The following CTNNA2 variants were observed in gnomAD, a reference collection of about 807,000 sequenced individuals.
CTNNA2 encodes the protein catenin alpha 2, also known as catenin alpha-2.
In CTNNA2, 42 loss-of-function variants were observed where a neutral mutation model predicts 101.0. The ratio of observed to expected loss-of-function variants is 0.42; its 90% CI spans 0.32 to 0.54. The LOEUF (loss-of-function observed/expected upper bound fraction) is 0.54, where lower values mean the gene tolerates loss of function less well. CTNNA2 is among the 20% of genes least tolerant of loss of function. CTNNA2 has a pLI of 0.14. For synonymous variants in CTNNA2, 450 were observed against 456.4 expected (o/e 0.99, Z 0.18); for missense variants, 871 against 1,223.1 (o/e 0.71, Z 4.29).
intron 8 of CTNNA2, among the ~76,000 whole-genome samples, chr2:80,398,310 A>G (rs140584225): frequency 6.2e-4 from 94 of 152,266 alleles, no homozygotes; most frequent in African/African-American, 2.1e-3. Flanking sequence ...CTGGATTTGA[A>G]TCTGTTTTTC....
chr2:80,550,079 C>T (rs546769292), intron 11 of CTNNA2, among the ~76,000 whole-genome samples: 3 of 152,240 alleles, frequency 2.0e-5, no homozygotes, highest in African/African-American at 7.2e-5. Flanking sequence ...AAACCTCGAA[C>T]GTATTGCTGG....
intron 1 of CTNNA2, among the ~76,000 whole-genome samples, chr2:79,591,151 A>C (rs1286144613): frequency 2.0e-5 from 3 of 152,230 alleles, no homozygotes; most frequent in Non-Finnish European, 2.9e-5. Flanking sequence ...AATTACTATA[A>C]ATCTCTACTA....
chr2:79,553,936 C>G (rs115614397), intron 1 of CTNNA2, among the ~76,000 whole-genome samples: 2 of 152,262 alleles, frequency 1.3e-5, no homozygotes, highest in Non-Finnish European at 2.9e-5. Context: ...TACTTAGGAA[C>G]AAAATAGGAG....
intron 7 of CTNNA2, among the ~76,000 whole-genome samples, chr2:79,919,070 A>T (rs1311581042): frequency 6.6e-6 from 1 of 152,184 alleles, no homozygotes; most frequent in Non-Finnish European, 1.5e-5. Context: ...TGGGTGGGGC[A>T]GGCGGTTCTT....
In CTNNA2 at chr2:79,789,162, G is replaced by A. The variant is rs550046634; in HGVS notation, c.298+44580G>A. The stretch of plus-strand genomic sequence containing the variant: ...AGAAAAGGGTAACAGCTTTATTCTA[G>A]TCACGAGTCAAACCTGTGTGAGTCA... On this transcript the variant is annotated intron_variant, in intron 3 of 18. Coordinates refer to ENST00000402739, the MANE Select transcript of CTNNA2 (RefSeq NM_001282597.3). Among the ~76,000 whole-genome samples, 4 of 152,310 alleles carry A rather than the reference G, an allele frequency of 2.6e-5. No homozygotes were observed. The East Asian group carries it at 7.7e-4, about 29-fold the overall frequency.
intron 3 of CTNNA2, among the ~76,000 whole-genome samples, chr2:79,845,081 G>GTA (rs149787594): frequency 0.077 from 11,152 of 145,034 alleles, 458 homozygotes; most frequent in Non-Finnish European, 0.099. Flanking sequence ...ATATATATGT[G>GTA]TATATATATA....
At chr2:80,544,304 A>G (rs906842273) in intron 9 of CTNNA2, among the ~76,000 whole-genome samples, 9 of 148,406 alleles carry the variant, frequency 6.1e-5, no homozygotes, top group Admixed American at 2.0e-4. Context: ...AAGGAGGGGG[A>G]AAAAAAAAAC....
chr2:80,113,124 C>G (rs1462491580), intron 7 of CTNNA2, among the ~76,000 whole-genome samples: 1 of 151,992 alleles, frequency 6.6e-6, no homozygotes, highest in African/African-American at 2.4e-5. Context: ...CACATTTTAC[C>G]CAAGAGGAAA....
intron 4 of CTNNA2, among the ~76,000 whole-genome samples, chr2:79,381,255 A>T (rs536382997): frequency 7.7e-4 from 118 of 152,274 alleles, no homozygotes; most frequent in African/African-American, 2.7e-3. Flanking sequence ...AGTTGAAGAA[A>T]CTGAGATGCA....
intron 1 of CTNNA2, among the ~76,000 whole-genome samples, chr2:79,517,347 A>T (rs1671861718): frequency 6.6e-6 from 1 of 152,186 alleles, no homozygotes; most frequent in African/African-American, 2.4e-5. Context: ...TAATAGACAC[A>T]ATTCCATTGT....
rs144764645 is a variant in CTNNA2, at chr2:79,975,552, G to T, written c.1056+65755G>T. ...CATGAGGCTGTCCCTCACTTCAGAT[G>T]CCATAGCAAGCACAGGTTGTGGCCT... On this transcript the variant is annotated intron_variant, in intron 7 of 18. Coordinates refer to ENST00000402739, the MANE Select transcript of CTNNA2 (RefSeq NM_001282597.3). Among the ~76,000 whole-genome samples the T allele has an allele frequency of 1.6e-4, 24 of 152,230 alleles. No homozygotes were observed. In the East Asian group the frequency reaches 3.7e-3, roughly 23 times the overall value.
chr2:79,298,118 G>A (rs565477209), intron 2 of CTNNA2, among the ~76,000 whole-genome samples: 1 of 152,236 alleles, frequency 6.6e-6, no homozygotes, highest in South Asian at 2.1e-4. Context: ...CTTTTATTTG[G>A]CTCACAGTTC....
chr2:79,428,471 T>A (rs17017088), intron 4 of CTNNA2, among the ~76,000 whole-genome samples: 48,512 of 151,838 alleles, frequency 0.32, 7,876 homozygotes, highest in South Asian at 0.44. Flanking sequence ...CTTGACAGGA[T>A]GAAAAGGGCA....
chr2:80,253,013 G>A (rs149530), intron 7 of CTNNA2, among the ~76,000 whole-genome samples: 3 of 151,308 alleles, frequency 2.0e-5, no homozygotes, highest in African/African-American at 7.3e-5. Context: ...ATGTAGATCT[G>A]TTTTCCCCCT....
chr2:80,092,371 G>GA (rs1228683578), intron 7 of CTNNA2, among the ~76,000 whole-genome samples: 3 of 151,992 alleles, frequency 2.0e-5, no homozygotes, highest in Non-Finnish European at 2.9e-5. Flanking sequence ...AAATTCAGTA[G>GA]AAAAAAACAG....
chr2:79,861,948 G>T (rs1433384835), intron 4 of CTNNA2, among the ~76,000 whole-genome samples: 2 of 152,172 alleles, frequency 1.3e-5, no homozygotes, highest in Admixed American at 6.5e-5. Flanking sequence ...CCTGCAATCA[G>T]TTCACATTGT....
rs912537935 is a variant in CTNNA2, at chr2:79,506,971, T to C, written c.-6+1789T>C. Reference sequence around the variant, plus strand: ...TAATAGTCATGAATTAGATTCCAGATAGCGGCTATTCAGTTAGCTTGGGTC... The same window carrying C: ...TAATAGTCATGAATTAGATTCCAGACAGCGGCTATTCAGTTAGCTTGGGTC... On this transcript the variant is annotated intron_variant, in intron 5 of 21. Coordinates refer to the CTNNA2 transcript ENST00000466387. Among the ~76,000 whole-genome samples the C allele has an allele frequency of 3.9e-5, 6 of 152,200 alleles. No individual in the cohort carries two copies. The South Asian group carries it at 1.0e-3, about 26-fold the overall frequency.
At chr2:79,904,059 C>T (rs888572881) in intron 6 of CTNNA2, among the ~76,000 whole-genome samples, 2 of 152,092 alleles carry the variant, frequency 1.3e-5, no homozygotes, top group African/African-American at 4.8e-5. Flanking sequence ...CACCTCCTAG[C>T]CCATCTGCAT....
At chr2:80,559,697 A>G (rs1005142329) in intron 12 of CTNNA2, among the ~76,000 whole-genome samples, 4 of 152,172 alleles carry the variant, frequency 2.6e-5, no homozygotes, top group Non-Finnish European at 5.9e-5. Flanking sequence ...CAGCAGACCC[A>G]TTAAATACTT....
Sources: allele counts gnomAD v4.1 joint callset (sites outside exome capture counted in the v4.1 genomes callset), GRCh38; gene constraint gnomAD v4.1.1; transcripts MANE v1.5; gene names NCBI Gene and HGNC (gene_info 2026-07-23, HGNC 2026-07-21).